The following LRRC49 variants were observed in gnomAD, a reference collection of about 807,000 sequenced individuals.
The protein encoded by LRRC49 is leucine rich repeat containing 49.
LRRC49 carries 50 observed loss-of-function variants against 83.3 expected under a neutral mutation model. The observed-to-expected ratio is 0.60, with a 90% CI of 0.48 to 0.76. The LOEUF (loss-of-function observed/expected upper bound fraction) is 0.76. LRRC49 is among the 30% of genes least tolerant of loss of function. The probability of loss-of-function intolerance (pLI) is 0.00; values close to 1 mark genes in which losing one functional copy is unlikely to be tolerated. For missense variants in LRRC49, 704 were observed against 809.1 expected (o/e 0.87, Z 1.58); for synonymous variants, 286 against 283.3 (o/e 1.01, Z -0.10).
intron 11 of LRRC49, among the ~76,000 whole-genome samples, chr15:70,993,489 C>A (rs1282576218): frequency 6.6e-5 from 10 of 152,190 alleles, no homozygotes. Context: ...GAGCTGTAGA[C>A]TGGAGCTGTT....
At chr15:70,998,268 C>T (rs1033655064) in intron 11 of LRRC49, among the ~76,000 whole-genome samples, 1 of 152,056 alleles carries the variant, frequency 6.6e-6, no homozygotes, top group African/African-American at 2.4e-5. Flanking sequence ...TGTGTAATTA[C>T]CTTTCTTGAT....
chr15:70,949,974 C>T (rs1308888107), intron 8 of LRRC49, among the ~76,000 whole-genome samples: 1 of 152,120 alleles, frequency 6.6e-6, no homozygotes, highest in Non-Finnish European at 1.5e-5. Flanking sequence ...CACCCTCCCC[C>T]ATCAAGTGGT....
intron 4 of LRRC49, 110 bp from the exon 5 acceptor site, chr15:70,904,442 T>A: frequency 7.2e-6 from 5 of 698,562 alleles, no homozygotes; most frequent in Non-Finnish European, 1.2e-5. Flanking sequence ...TGGTCCAACT[T>A]ATTTTTTTCT....
intron 15 of LRRC49, among the ~76,000 whole-genome samples, chr15:71,048,139 G>C (rs576391745): frequency 2.1e-5 from 3 of 145,660 alleles, no homozygotes; most frequent in African/African-American, 7.7e-5. Flanking sequence ...AGGCTGGAGT[G>C]CAATGGCATG....
At chr15:70,932,367 T>C (rs1353613396) in intron 7 of LRRC49, among the ~76,000 whole-genome samples, 1 of 152,030 alleles carries the variant, frequency 6.6e-6, no homozygotes, top group African/African-American at 2.4e-5. Context: ...TTAATAAGTC[T>C]TTTTTTTAAA....
intron 15 of LRRC49, among the ~76,000 whole-genome samples, chr15:71,044,733 C>T (rs747355453): frequency 3.3e-5 from 5 of 151,848 alleles, no homozygotes; most frequent in African/African-American, 1.2e-4. Flanking sequence ...TTGCAGTGAG[C>T]GGAGATCATG....
At position 70,876,818 on chromosome 15, in the gene LRRC49, TC is replaced by T. The variant is rs1195716718; in HGVS notation, c.18+3597del. ...GCCATCTCTAACAAATTTAATCCATTCCAATTCTTCTTGTGCTATGCTCCAG... is the reference window on the plus strand; with the variant it reads ...GCCATCTCTAACAAATTTAATCCATTCAATTCTTCTTGTGCTATGCTCCAG... On this transcript the variant is annotated intron_variant, in intron 2 of 16. Transcript: ENST00000544974. 7.2e-5 allele frequency among the ~76,000 whole-genome samples: 11 copies of T among 152,206 alleles called. No homozygotes were observed. The East Asian group carries it at 2.1e-3, about 29-fold the overall frequency.
chr15:70,961,262 A>G (rs1759677333), intron 8 of LRRC49, among the ~76,000 whole-genome samples: 1 of 152,182 alleles, frequency 6.6e-6, no homozygotes, highest in Non-Finnish European at 1.5e-5. Flanking sequence ...CAGAACACAG[A>G]TACCAAATGC....
chr15:70,891,129 T>G (rs975580864), upstream of LRRC49, among the ~76,000 whole-genome samples: 2 of 152,326 alleles, frequency 1.3e-5, no homozygotes, highest in Non-Finnish European at 2.9e-5. Flanking sequence ...GTGGCAAGGC[T>G]GAAGTTTATC....
chr15:70,915,527 ATTG>A (rs2034735685), intron 6 of LRRC49, among the ~76,000 whole-genome samples: 1 of 152,090 alleles, frequency 6.6e-6, no homozygotes, highest in African/African-American at 2.4e-5. Flanking sequence ...TTATATCTGT[ATTG>A]TTTGTCTTCC....
At chr15:70,895,306 A>G (rs2033784800) in intron 2 of LRRC49, among the ~76,000 whole-genome samples, 1 of 152,162 alleles carries the variant, frequency 6.6e-6, no homozygotes, top group Non-Finnish European at 1.5e-5. Context: ...TTAAATATAC[A>G]ATTTTATTAT....
intron 7 of LRRC49, among the ~76,000 whole-genome samples, chr15:70,920,102 C>G (rs1055530716): frequency 2.0e-5 from 3 of 152,122 alleles, no homozygotes; most frequent in African/African-American, 7.2e-5. Flanking sequence ...TATAGAAAAA[C>G]TGCTTTAAGT....
chr15:70,993,787 T>C (rs2037980970), intron 11 of LRRC49, among the ~76,000 whole-genome samples: 1 of 152,212 alleles, frequency 6.6e-6, no homozygotes, highest in African/African-American at 2.4e-5. Context: ...TAATATGGAA[T>C]TTAATATTCT....
chr15:70,916,911 ACGCAGAAAGTACC>A (rs1414614001), intron 6 of LRRC49, among the ~76,000 whole-genome samples: 2 of 152,226 alleles, frequency 1.3e-5, no homozygotes, highest in East Asian at 3.9e-4. Context: ...ACTCTTGGGG[ACGCAGAAAGTACC>A]CCCCAACCCT....
At chr15:70,958,134 CATCT>C (rs2036468540) in intron 8 of LRRC49, among the ~76,000 whole-genome samples, 1 of 152,072 alleles carries the variant, frequency 6.6e-6, no homozygotes, top group African/African-American at 2.4e-5. Flanking sequence ...TTCCATAGAA[CATCT>C]CCCCTCTTTA....
intron 15 of LRRC49, among the ~76,000 whole-genome samples, chr15:71,046,218 A>G (rs1047065863): frequency 4.6e-5 from 7 of 152,198 alleles, no homozygotes; most frequent in African/African-American, 1.7e-4. Context: ...ATACCCAGGA[A>G]TGGGATTGTT....
At chr15:70,909,988 T>C (rs1288422849) in intron 5 of LRRC49, among the ~76,000 whole-genome samples, 1 of 152,102 alleles carries the variant, frequency 6.6e-6, no homozygotes, top group Non-Finnish European at 1.5e-5. Flanking sequence ...TGCCTGGCAC[T>C]AGGTGAAGGC....
At chr15:70,934,666 GA>G (rs1234454657) in intron 7 of LRRC49, among the ~76,000 whole-genome samples, 2 of 152,038 alleles carry the variant, frequency 1.3e-5, no homozygotes, top group African/African-American at 4.8e-5. Context: ...TATTTTTATT[GA>G]AAAAAGTTAT....
chr15:70,984,444 C>T (rs1352893835), intron 11 of LRRC49, 187 bp downstream of exon 11: 1 of 478,320 alleles, frequency 2.1e-6, no homozygotes, highest in African/African-American at 2.0e-5. Flanking sequence ...TTAAAACATG[C>T]TTCATAGGGC....
Sources: allele counts gnomAD v4.1 joint callset (sites outside exome capture counted in the v4.1 genomes callset), GRCh38; gene constraint gnomAD v4.1.1; transcripts MANE v1.5; gene names NCBI Gene and HGNC (gene_info 2026-07-23, HGNC 2026-07-21).